IL1RAPL2: variants seen among roughly 807,000 people sequenced by gnomAD.
IL1RAPL2 encodes X-linked interleukin-1 receptor accessory protein-like 2.
A neutral mutation model predicts 44.1 loss-of-function variants in IL1RAPL2; 3 were observed. The ratio of observed to expected loss-of-function variants is 0.07; its 90% CI spans 0.03 to 0.18. The LOEUF (loss-of-function observed/expected upper bound fraction) is 0.18. Ranked by LOEUF, IL1RAPL2 falls within the 10% of genes least tolerant of loss-of-function variation. The pLI is 1.00. For missense variants in IL1RAPL2, 391 were observed against 496.4 expected, an observed-to-expected ratio of 0.79 and a Z score of 2.02; for synonymous variants, 181 against 178.8, an observed-to-expected ratio of 1.01 and a Z score of -0.10.
chrX:105,158,767 G>C (rs1019140105), intron 2 of IL1RAPL2, among the ~76,000 whole-genome samples: 2 of 111,958 alleles, frequency 1.8e-5, no homozygotes, highest in Admixed American at 9.4e-5. Context: ...CTCTTTTAGA[G>C]AGTCACATAA....
chrX:105,487,118 C>G (rs1388772098), intron 6 of IL1RAPL2, among the ~76,000 whole-genome samples: 7 of 105,311 alleles, frequency 6.6e-5, no homozygotes, highest in Non-Finnish European at 1.4e-4. Flanking sequence ...AAAAATAGTA[C>G]TTGATAAGAT....
intron 5 of IL1RAPL2, among the ~76,000 whole-genome samples, chrX:105,302,674 C>T (rs1464068404): frequency 9.0e-6 from 1 of 111,674 alleles, no homozygotes; most frequent in Admixed American, 9.5e-5. Context: ...GGAAGCAGTC[C>T]CTCCCAGAGC....
At chrX:104,931,080 G>T (rs1285349493) in intron 2 of IL1RAPL2, among the ~76,000 whole-genome samples, 1 of 110,795 alleles carries the variant, frequency 9.0e-6, no homozygotes, top group Non-Finnish European at 1.9e-5. Context: ...GCTGGAAGAT[G>T]TTGGGCTGTA....
chrX:105,470,351 G>A (rs1026762854), intron 5 of IL1RAPL2, among the ~76,000 whole-genome samples: 1 of 111,709 alleles, frequency 9.0e-6, no homozygotes. Flanking sequence ...ATTGTTCAAG[G>A]TTACACTATA....
At chrX:104,956,496 T>TGTGTGTGTGTGTGTG (rs1173660295) in intron 2 of IL1RAPL2, among the ~76,000 whole-genome samples, 1 of 4,017 alleles carries the variant, frequency 2.5e-4, no homozygotes, top group African/African-American at 1.1e-3. Context: ...GTGTGTGTGT[T>TGTGTGTGTGTGTGTG]ATGCCGGGCG....
chrX:104,682,326 G>T (rs889371346), intron 2 of IL1RAPL2, among the ~76,000 whole-genome samples: 12 of 112,382 alleles, frequency 1.1e-4, no homozygotes, highest in African/African-American at 3.6e-4. Context: ...CTAAAACTGT[G>T]CTAGTTGGTA....
chrX:105,044,142 G>A (rs1442542125), intron 2 of IL1RAPL2, among the ~76,000 whole-genome samples: 1 of 111,085 alleles, frequency 9.0e-6, no homozygotes, highest in Non-Finnish European at 1.9e-5. Flanking sequence ...AAACAATCAG[G>A]AAGATAACAG....
intron 8 of IL1RAPL2, among the ~76,000 whole-genome samples, chrX:105,745,474 G>T (rs1490500959): frequency 9.0e-6 from 1 of 111,478 alleles, no homozygotes; most frequent in Admixed American, 9.5e-5. Context: ...ATTGTTCACA[G>T]TTCTGGAGGC....
chrX:105,755,643 G>T (rs987049445), intron 10 of IL1RAPL2, among the ~76,000 whole-genome samples: 3 of 111,655 alleles, frequency 2.7e-5, no homozygotes, highest in Non-Finnish European at 5.6e-5. Context: ...GTAAAAGTTA[G>T]TTAAAGCCTT....
At chrX:104,942,985 G>T (rs1018856335) in intron 2 of IL1RAPL2, among the ~76,000 whole-genome samples, 2 of 111,386 alleles carry the variant, frequency 1.8e-5, no homozygotes, top group Non-Finnish European at 1.9e-5. Flanking sequence ...TGTTTATATG[G>T]TGGATTACAT....
intron 1 of IL1RAPL2, among the ~76,000 whole-genome samples, chrX:104,652,730 T>A (rs1453378351): frequency 8.9e-6 from 1 of 112,160 alleles, no homozygotes; most frequent in African/African-American, 3.2e-5. Context: ...AGGACAATGA[T>A]AAACATTTCA....
intron 1 of IL1RAPL2, among the ~76,000 whole-genome samples, chrX:104,650,832 G>T (rs998725214): frequency 1.8e-5 from 2 of 111,245 alleles, no homozygotes; most frequent in East Asian, 5.6e-4. Flanking sequence ...TAACTTCTAG[G>T]GCAAAAATCG....
intron 2 of IL1RAPL2, among the ~76,000 whole-genome samples, chrX:104,873,532 A>G (rs1349272528): frequency 8.9e-6 from 1 of 111,795 alleles, no homozygotes; most frequent in Non-Finnish European, 1.9e-5. Context: ...CTGGAGGTTG[A>G]CTGCAGCTCT....
intron 6 of IL1RAPL2, among the ~76,000 whole-genome samples, chrX:105,691,071 C>T (rs181641210): frequency 9.0e-6 from 1 of 111,414 alleles, no homozygotes; most frequent in Admixed American, 9.6e-5. Flanking sequence ...CCTTAATTGC[C>T]TCCAAAAGAG....
intron 6 of IL1RAPL2, among the ~76,000 whole-genome samples, chrX:105,601,735 GA>G (rs2037253545): frequency 9.0e-6 from 1 of 110,734 alleles, no homozygotes; most frequent in Non-Finnish European, 1.9e-5. Context: ...CATTTTGAGA[GA>G]GGAGCCACTA....
At chrX:104,769,082 A>G (rs1304690181) in intron 2 of IL1RAPL2, among the ~76,000 whole-genome samples, 1 of 111,590 alleles carries the variant, frequency 9.0e-6, no homozygotes, top group Non-Finnish European at 1.9e-5. Flanking sequence ...TAAAATGAGC[A>G]GGTTAAAAAA....
At chrX:105,175,714 C>T (rs1035656726) in intron 2 of IL1RAPL2, among the ~76,000 whole-genome samples, 6 of 110,664 alleles carry the variant, frequency 5.4e-5, no homozygotes, top group African/African-American at 2.0e-4. Flanking sequence ...CAAATAACTG[C>T]ATTAACATTT....
chrX:105,673,030 C>T (rs915207062), intron 6 of IL1RAPL2, among the ~76,000 whole-genome samples: 6 of 111,163 alleles, frequency 5.4e-5, no homozygotes, highest in Non-Finnish European at 9.4e-5. Flanking sequence ...AGCCTGTCTG[C>T]CTTCTTCTCC....
At chrX:104,633,030 A>C (rs1027297741) in intron 1 of IL1RAPL2, among the ~76,000 whole-genome samples, 13 of 111,560 alleles carry the variant, frequency 1.2e-4, no homozygotes, top group African/African-American at 2.3e-4. Flanking sequence ...TACCTAATTT[A>C]TTGAGAGTTT....
Sources: allele counts gnomAD v4.1 joint callset (sites outside exome capture counted in the v4.1 genomes callset), GRCh38; gene constraint gnomAD v4.1.1; transcripts MANE v1.5; gene names NCBI Gene and HGNC (gene_info 2026-07-23, HGNC 2026-07-21).